TCF12: variants seen among roughly 807,000 people sequenced by gnomAD.
TCF12 encodes DNA-binding protein HTF4.
Under a neutral mutation model 86.0 loss-of-function variants are expected in TCF12, and 45 were observed. The observed-to-expected ratio is 0.52, with a 90% CI of 0.41 to 0.67. The LOEUF (loss-of-function observed/expected upper bound fraction) is 0.67, where lower values mean the gene tolerates loss of function less well. TCF12 is among the 30% of genes least tolerant of loss of function. The pLI is 0.00. For synonymous variants in TCF12, 330 were observed against 299.6 expected (o/e 1.10, Z -1.05); for missense variants, 881 against 859.9 (o/e 1.02, Z -0.31).
intron 7 of TCF12, 108 bp from the exon 8 acceptor site, chr15:57,197,665 T>C (rs1241702180): frequency 7.8e-7 from 1 of 1,287,494 alleles, no homozygotes; most frequent in African/African-American, 1.5e-5. Flanking sequence ...TACTCCCAAA[T>C]ATTGGAAAAC....
chr15:57,232,892 T>C, intron 11 of TCF12, 36 bp downstream of exon 11: 2 of 1,490,064 alleles, frequency 1.3e-6, no homozygotes, highest in Non-Finnish European at 1.8e-6. Context: ...TCCTAAAAGT[T>C]TGTGGACTTT....
chr15:57,149,580 CA>C (rs1275106218), intron 5 of TCF12, among the ~76,000 whole-genome samples: 1 of 152,122 alleles, frequency 6.6e-6, no homozygotes, highest in Non-Finnish European at 1.5e-5. Flanking sequence ...TAAGAGAGCA[CA>C]ATATCATAAA....
chr15:56,948,857 A>G (rs1021758934), intron 3 of TCF12, among the ~76,000 whole-genome samples: 2 of 152,202 alleles, frequency 1.3e-5, no homozygotes, highest in Non-Finnish European at 2.9e-5. Flanking sequence ...TTTCCCTGGT[A>G]AGGACACTAA....
At chr15:57,120,962 A>C (rs2051187836) in intron 5 of TCF12, among the ~76,000 whole-genome samples, 1 of 152,092 alleles carries the variant, frequency 6.6e-6, no homozygotes, top group Admixed American at 6.6e-5. Context: ...GCCTGGGTGA[A>C]AAAGTGAGAC....
At chr15:57,138,467 C>G (rs1226152397) in intron 5 of TCF12, among the ~76,000 whole-genome samples, 1 of 152,188 alleles carries the variant, frequency 6.6e-6, no homozygotes, top group Non-Finnish European at 1.5e-5. Flanking sequence ...AGTCTGCTGC[C>G]TCCAGTGGAA....
chr15:57,012,366 G>A (rs2064883558), intron 3 of TCF12, among the ~76,000 whole-genome samples: 1 of 152,088 alleles, frequency 6.6e-6, no homozygotes, highest in South Asian at 2.1e-4. Context: ...AAATATTTTG[G>A]TTCAGTTAGA....
chr15:56,970,788 G>A (rs1261436964), intron 3 of TCF12, among the ~76,000 whole-genome samples: 2 of 152,136 alleles, frequency 1.3e-5, no homozygotes, highest in African/African-American at 2.4e-5. Flanking sequence ...GGTGGCTCAT[G>A]CCTGTAATCT....
At chr15:57,282,693 GT>G in intron 20 of TCF12, 95 bp downstream of exon 20, 1 of 1,408,850 alleles carries the variant, frequency 7.1e-7, no homozygotes, top group Non-Finnish European at 9.6e-7. Flanking sequence ...CTAGTGAGCA[GT>G]GGCCATTGTA....
intron 8 of TCF12, among the ~76,000 whole-genome samples, chr15:57,213,208 T>C (rs2058188370): frequency 6.6e-6 from 1 of 152,352 alleles, no homozygotes; most frequent in East Asian, 1.9e-4. Flanking sequence ...TCACTCTTCT[T>C]AGATGTCTTT....
At chr15:56,978,471 T>C (rs1417622073) in intron 3 of TCF12, among the ~76,000 whole-genome samples, 2 of 152,116 alleles carry the variant, frequency 1.3e-5, no homozygotes, top group Non-Finnish European at 2.9e-5. Flanking sequence ...ATTCCACTAA[T>C]AGAGAGTTAC....
At chr15:57,070,426 T>C (rs1230582132) in intron 4 of TCF12, among the ~76,000 whole-genome samples, 5 of 152,160 alleles carry the variant, frequency 3.3e-5, no homozygotes, top group Admixed American at 3.3e-4. Flanking sequence ...TCTCCAGTCT[T>C]CTAAAGTTCA....
intron 8 of TCF12, among the ~76,000 whole-genome samples, chr15:57,205,026 G>A (rs540985067): frequency 7.9e-5 from 12 of 152,124 alleles, no homozygotes; most frequent in Middle Eastern, 6.8e-3. Flanking sequence ...GCAATTATCC[G>A]GCCCGGCCAG....
At chr15:57,100,508 C>T (rs2049662773) in intron 5 of TCF12, among the ~76,000 whole-genome samples, 1 of 150,520 alleles carries the variant, frequency 6.6e-6, no homozygotes, top group South Asian at 2.1e-4. Context: ...AGTGATCTTC[C>T]TGTCTTGGTC....
intron 3 of TCF12, among the ~76,000 whole-genome samples, chr15:56,975,632 G>GTTTT (rs1289657932): frequency 5.7e-5 from 8 of 139,290 alleles, no homozygotes; most frequent in South Asian, 2.4e-4. Context: ...AAAACTAGGG[G>GTTTT]TTTTTTTTGT....
chr15:56,945,397 C>A (rs2060950446), intron 3 of TCF12, among the ~76,000 whole-genome samples: 1 of 152,002 alleles, frequency 6.6e-6, no homozygotes, highest in South Asian at 2.1e-4. Context: ...TTTCCTTCTG[C>A]CCGAAGAATT....
rs915797671 is a variant in TCF12 at position 57,232,557 on chromosome 15, C to T, written c.825+127C>T. The T allele has an allele frequency of 5.1e-4, 745 of 1,464,568 alleles. 3 individuals carry two copies. Among genetic ancestry groups the T allele is most frequent in the Non-Finnish European group, 6.3e-4 (690 of 1,090,626 alleles). 90.7% of individuals were successfully genotyped at this position (1,464,568 alleles called of 1,614,324 possible). A position where few individuals can be genotyped will look rare whatever the true frequency, so the allele number is the denominator to read the frequency against. On this transcript the variant is annotated intron_variant, in intron 10 of 20. Coordinates refer to ENST00000333725, the MANE Select transcript of TCF12 (RefSeq NM_207037.2). ...GTTTGAAGTACTTCAAGGCTTACCG[C>T]GTTTACCATGCCTTTCTAAAAAATA...
intron 3 of TCF12, among the ~76,000 whole-genome samples, chr15:56,948,231 C>T (rs868592016): frequency 2.0e-5 from 3 of 152,122 alleles, no homozygotes; most frequent in Middle Eastern, 3.4e-3. Context: ...AATTGATCCT[C>T]CCACCTCAGC....
intron 20 of TCF12, 129 bp downstream of exon 20, chr15:57,282,727 A>G (rs186684993): frequency 3.7e-4 from 424 of 1,159,300 alleles, no homozygotes; most frequent in Non-Finnish European, 4.7e-4. Flanking sequence ...AATTTGAAAT[A>G]TAACAGTTTG....
intron 3 of TCF12, among the ~76,000 whole-genome samples, chr15:57,039,663 A>G (rs939949614): frequency 1.3e-5 from 2 of 152,084 alleles, no homozygotes; most frequent in African/African-American, 4.8e-5. Flanking sequence ...AGCCCCCAAA[A>G]TAAACTTTGT....
Sources: gnomAD v4.1 joint callset for allele counts (sites outside exome capture counted in the v4.1 genomes callset) on GRCh38, gnomAD v4.1.1 for gene constraint, MANE v1.5 for transcripts, NCBI Gene and HGNC (gene_info 2026-07-23, HGNC 2026-07-21) for gene names.